The following FSTL5 variants were observed in gnomAD, a reference collection of about 807,000 sequenced individuals.
FSTL5 encodes the protein follistatin like 5.
FSTL5 carries 62 observed loss-of-function variants against 89.1 expected under a neutral mutation model. The ratio of observed to expected loss-of-function variants is 0.70; its 90% CI spans 0.57 to 0.86. FSTL5 has a LOEUF of 0.86. FSTL5 is among the 40% of genes least tolerant of loss of function. The pLI, the probability that FSTL5 is intolerant of heterozygous loss-of-function variation, is 0.00. For missense variants in FSTL5, 1,057 were observed against 1,001.6 expected, an observed-to-expected ratio of 1.06 and a Z score of -0.75; for synonymous variants, 383 against 346.2, an observed-to-expected ratio of 1.11 and a Z score of -1.18.
intron 10 of FSTL5, among the ~76,000 whole-genome samples, chr4:161,531,531 G>A (rs9997233): frequency 0.027 from 4,118 of 152,150 alleles, 176 homozygotes; most frequent in African/African-American, 0.092. Flanking sequence ...GAAGAAAAGC[G>A]CATTACAGAA....
chr4:161,467,918 T>C (rs922297700), intron 13 of FSTL5, among the ~76,000 whole-genome samples: 1 of 152,082 alleles, frequency 6.6e-6, no homozygotes, highest in African/African-American at 2.4e-5. Flanking sequence ...GAGGTAGTTA[T>C]CTACAGTCAA....
intron 1 of FSTL5, among the ~76,000 whole-genome samples, chr4:162,137,245 C>A (rs1405409533): frequency 6.6e-6 from 1 of 152,026 alleles, no homozygotes; most frequent in Non-Finnish European, 1.5e-5. Flanking sequence ...TCAATATGCA[C>A]ATTTAATAGT....
chr4:161,556,215 A>T (rs187911074), intron 8 of FSTL5, among the ~76,000 whole-genome samples: 17 of 151,702 alleles, frequency 1.1e-4, no homozygotes, highest in African/African-American at 4.1e-4. Flanking sequence ...TAAATAGCCA[A>T]TTTTTGCAAC....
intron 4 of FSTL5, among the ~76,000 whole-genome samples, chr4:161,916,063 T>C (rs545521905): frequency 9.9e-5 from 15 of 151,930 alleles, no homozygotes; most frequent in Middle Eastern, 3.2e-3. Flanking sequence ...AATTTAAATA[T>C]GTAATACAAA....
chr4:161,928,346 G>A (rs1366254867), intron 3 of FSTL5, among the ~76,000 whole-genome samples: 1 of 151,790 alleles, frequency 6.6e-6, no homozygotes, highest in Non-Finnish European at 1.5e-5. Context: ...GTTTGGCATT[G>A]TAAATAAAGT....
At chr4:162,057,998 T>G (rs1246604303) in intron 2 of FSTL5, among the ~76,000 whole-genome samples, 2 of 152,146 alleles carry the variant, frequency 1.3e-5, no homozygotes, top group East Asian at 3.8e-4. Context: ...AACGGCAAGA[T>G]AGTATGTCAC....
intron 1 of FSTL5, among the ~76,000 whole-genome samples, chr4:162,156,972 T>C (rs1369817545): frequency 6.6e-6 from 1 of 152,176 alleles, no homozygotes; most frequent in African/African-American, 2.4e-5. Flanking sequence ...GTTATGCATA[T>C]AAAATGAAAC....
chr4:161,869,656 T>A (rs1436120856), intron 4 of FSTL5, among the ~76,000 whole-genome samples: 1 of 152,164 alleles, frequency 6.6e-6, no homozygotes, highest in Admixed American at 6.5e-5. Context: ...GGATACACAT[T>A]CTACAGTGCA....
At chr4:161,498,341 T>C (rs933805045) in intron 12 of FSTL5, among the ~76,000 whole-genome samples, 1 of 152,022 alleles carries the variant, frequency 6.6e-6, no homozygotes, top group Non-Finnish European at 1.5e-5. Context: ...AACTTGAGAT[T>C]CCAAGTGATT....
At chr4:162,033,318 C>T (rs1235972291) in intron 3 of FSTL5, among the ~76,000 whole-genome samples, 1 of 152,094 alleles carries the variant, frequency 6.6e-6, no homozygotes, top group East Asian at 1.9e-4. Flanking sequence ...AGAAGTGACA[C>T]AACACCAACT....
At chr4:162,047,502 T>C (rs1738228649) in intron 2 of FSTL5, 1 of 151,778 alleles carries the variant, frequency 6.6e-6, no homozygotes, top group Admixed American at 6.6e-5. Context: ...TTCATGTGAG[T>C]AGAGCCAAAC....
At chr4:161,471,234 T>A (rs948678930) in intron 13 of FSTL5, among the ~76,000 whole-genome samples, 1 of 152,236 alleles carries the variant, frequency 6.6e-6, no homozygotes, top group Non-Finnish European at 1.5e-5. Flanking sequence ...TTTCTTCCCA[T>A]TCCTAGTTTT....
chr4:162,085,373 A>G (rs940245415), intron 2 of FSTL5, among the ~76,000 whole-genome samples: 12 of 152,126 alleles, frequency 7.9e-5, no homozygotes, highest in African/African-American at 2.9e-4. Context: ...AAATCACTAA[A>G]AAAGTACTTA....
chr4:161,693,272 T>C (rs1451639395), intron 6 of FSTL5, among the ~76,000 whole-genome samples: 1 of 152,240 alleles, frequency 6.6e-6, no homozygotes, highest in Non-Finnish European at 1.5e-5. Flanking sequence ...TCTGTTCTTT[T>C]GATATCTTTA....
intron 4 of FSTL5, among the ~76,000 whole-genome samples, chr4:161,860,063 C>T (rs976479229): frequency 1.7e-4 from 26 of 152,138 alleles, no homozygotes; most frequent in Middle Eastern, 3.4e-3. Flanking sequence ...CCAAGGTGGG[C>T]GGATCACAAG....
At chr4:162,045,710 C>A (rs1035148640) in intron 2 of FSTL5, among the ~76,000 whole-genome samples, 1 of 152,092 alleles carries the variant, frequency 6.6e-6, no homozygotes, top group African/African-American at 2.4e-5. Context: ...ATAAAAAATG[C>A]AGTATCTGCA....
intron 15 of FSTL5, among the ~76,000 whole-genome samples, chr4:161,399,173 T>G (rs1731099082): frequency 6.6e-6 from 1 of 152,098 alleles, no homozygotes; most frequent in African/African-American, 2.4e-5. Context: ...ACTTGTTTTG[T>G]TATGTTTTAC....
chr4:161,688,951 C>T (rs1737833893), intron 6 of FSTL5, among the ~76,000 whole-genome samples: 1 of 151,806 alleles, frequency 6.6e-6, no homozygotes, highest in South Asian at 2.1e-4. Context: ...TTTTATTAGC[C>T]CTATTATGGT....
chr4:161,660,929 G>T (rs1475882957), intron 6 of FSTL5, among the ~76,000 whole-genome samples: 14 of 152,048 alleles, frequency 9.2e-5, no homozygotes, highest in Non-Finnish European at 8.8e-5. Context: ...GTGCTGCAAT[G>T]AACTTTAATT....
Sources: gnomAD v4.1 joint callset for allele counts (sites outside exome capture counted in the v4.1 genomes callset) on GRCh38, gnomAD v4.1.1 for gene constraint, MANE v1.5 for transcripts, NCBI Gene and HGNC (gene_info 2026-07-23, HGNC 2026-07-21) for gene names.